The following PCNX1 variants were observed in gnomAD, a reference collection of about 807,000 sequenced individuals.
PCNX1 encodes pecanex 1.
In PCNX1, 78 loss-of-function variants were observed where a neutral mutation model predicts 242.2. That is an observed-to-expected ratio of 0.32 (90% confidence interval 0.27 to 0.39). PCNX1 has a LOEUF of 0.39. Among genes scored for constraint, PCNX1 ranks in the 10% least tolerant of loss-of-function variants. PCNX1 has a pLI of 1.00. For missense variants in PCNX1, 2,581 were observed against 2,856.5 expected, an observed-to-expected ratio of 0.90 and a Z score of 2.20; for synonymous variants, 1,024 against 1,032.9, an observed-to-expected ratio of 0.99 and a Z score of 0.17.
chr14:71,023,500 G>A (rs1032522351), intron 13 of PCNX1, among the ~76,000 whole-genome samples: 2 of 152,038 alleles, frequency 1.3e-5, no homozygotes, highest in Non-Finnish European at 2.9e-5. Flanking sequence ...GTTTCAGGGA[G>A]TAGACATGGT....
chr14:71,027,202 A>G (rs1367598564), intron 15 of PCNX1: 2 of 183,078 alleles, frequency 1.1e-5, no homozygotes, highest in Non-Finnish European at 2.3e-5. Flanking sequence ...AAGATCATCT[A>G]TCCTGAGTAG....
chr14:70,941,755 T>G (rs1477787771), intron 1 of PCNX1, among the ~76,000 whole-genome samples: 1 of 152,184 alleles, frequency 6.6e-6, no homozygotes, highest in Non-Finnish European at 1.5e-5. Flanking sequence ...CAGGCAGGCC[T>G]CCTTGAGCTG....
intron 2 of PCNX1, among the ~76,000 whole-genome samples, chr14:70,949,347 G>A (rs73291896): frequency 0.034 from 4,786 of 142,084 alleles, 222 homozygotes; most frequent in African/African-American, 0.12. Context: ...GTGCATACAC[G>A]CACGTGCATA....
chr14:71,018,777 T>C (rs925280566), intron 11 of PCNX1, among the ~76,000 whole-genome samples: 1 of 152,186 alleles, frequency 6.6e-6, no homozygotes, highest in Admixed American at 6.5e-5. Flanking sequence ...TATTATGTAA[T>C]TGAAACTCCA....
At chr14:70,989,593 G>T (rs996937420) in intron 7 of PCNX1, among the ~76,000 whole-genome samples, 5 of 143,820 alleles carry the variant, frequency 3.5e-5, no homozygotes, top group African/African-American at 1.3e-4. Flanking sequence ...GCAGTCGCGT[G>T]ATCTTGGCTC....
chr14:71,014,652 C>T (rs1031604167), intron 11 of PCNX1, among the ~76,000 whole-genome samples: 3 of 151,784 alleles, frequency 2.0e-5, no homozygotes, highest in Admixed American at 6.6e-5. Context: ...TGAACTCACT[C>T]GAAGGCATAA....
intron 11 of PCNX1, among the ~76,000 whole-genome samples, chr14:71,017,436 A>G (rs917571279): frequency 2.0e-5 from 3 of 152,242 alleles, no homozygotes; most frequent in Admixed American, 6.5e-5. Context: ...CCTGGGCAAC[A>G]TAGCAAGACC....
At position 71,109,009 on chromosome 14, in the gene PCNX1, C is replaced by T. The variant is rs368768448; in HGVS notation, c.6707C>T (p.Ser2236Leu). ...AACACCTTAAGTCCTGCCAACAATT[C>T]ACACTCCAGAAAGGCAGAAGTGATT... is the stretch of plus-strand genomic sequence containing the variant. Reference protein sequence around the residue: ...PGNTLSPANNSHSRKAEVIYR... With the variant: ...PGNTLSPANNLHSRKAEVIYR... The change falls in exon 34 of 36, where the codon TCA (serine) becomes TTA (leucine). Residue 2236 changes from serine (S) to leucine (L), a missense_variant. Transcript: ENST00000304743. The T allele has an allele frequency of 3.7e-6, 6 of 1,613,704 alleles. No individual in the cohort carries two copies. The highest frequency in any genetic ancestry group is 1.3e-5 in the African/African-American group (1 of 74,948).
intron 1 of PCNX1, among the ~76,000 whole-genome samples, chr14:70,940,818 G>C (rs1483582800): frequency 6.6e-6 from 1 of 152,128 alleles, no homozygotes; most frequent in Admixed American, 6.5e-5. Flanking sequence ...TGGAGGTTTT[G>C]TTCTTTTCTT....
At chr14:71,073,469 A>G in intron 26 of PCNX1, 76 bp from the exon 27 acceptor site, 1 of 1,366,762 alleles carries the variant, frequency 7.3e-7, no homozygotes, top group South Asian at 1.4e-5. Flanking sequence ...TTTTTTCTAA[A>G]TCTTATGTGT....
At chr14:71,060,173 A>G (rs73295578) in intron 26 of PCNX1, among the ~76,000 whole-genome samples, 6,658 of 152,318 alleles carry the variant, frequency 0.044, 460 homozygotes, top group African/African-American at 0.15. Flanking sequence ...AATTCCTGTT[A>G]GTGACATCGT....
At chr14:70,910,970 G>A (rs2055878741) in intron 1 of PCNX1, among the ~76,000 whole-genome samples, 1 of 152,144 alleles carries the variant, frequency 6.6e-6, no homozygotes, top group Non-Finnish European at 1.5e-5. Context: ...CCTAGACCAG[G>A]GGTGGTCAGG....
chr14:71,011,863 A>T (rs1360421710), intron 10 of PCNX1: 3 of 223,728 alleles, frequency 1.3e-5, no homozygotes, highest in African/African-American at 6.9e-5. Context: ...CTATACCCAG[A>T]TATGTGTTTG....
chr14:71,046,039 TCA>T (rs1479701698), intron 20 of PCNX1, among the ~76,000 whole-genome samples: 2 of 152,146 alleles, frequency 1.3e-5, no homozygotes, highest in African/African-American at 2.4e-5. Context: ...AACTTTTTTC[TCA>T]CACTTTTTTT....
At chr14:70,921,651 A>G (rs1467801950) in intron 1 of PCNX1, among the ~76,000 whole-genome samples, 3 of 152,190 alleles carry the variant, frequency 2.0e-5, no homozygotes, top group African/African-American at 7.2e-5. Flanking sequence ...TACTTTAAAT[A>G]TACTTGAAGT....
rs150308632 is a variant in PCNX1 at position 70,965,138 on chromosome 14, C to T, written c.468+2807C>T. On this transcript the variant is annotated intron_variant, in intron 3 of 35. Transcript: ENST00000304743. ...GTCATTGTTACTATTCTTTCCTTCA[C>T]CTCTGCCTTTCTCCCTTTCATCTTC... is the stretch of plus-strand genomic sequence containing the variant. Among the ~76,000 whole-genome samples, 951 of 152,224 alleles carry T rather than the reference C, an allele frequency of 6.2e-3. 8 individuals are homozygous for T. Among genetic ancestry groups the T allele is most frequent in the African/African-American group, 0.022 (917 of 41,504 alleles).
chr14:70,995,797 G>A lies in PCNX1; in HGVS notation c.2501G>A (p.Arg834His), dbSNP rs748379034. Residue 834 changes from arginine to histidine, a missense_variant, in exon 8 of 36, where the codon CGC becomes CAC. This residue lies in a region of PCNX1 where 1,204 missense variants were observed against 1,216.7 expected (regional missense o/e 0.99). Transcript: ENST00000304743. ...QSTAQVKVQS[R>H]PPSQAAVLSA... ...ACAGCCCAGGTCAAAGTCCAGTCCC[G>A]CCCCCCTTCCCAGGCTGCAGTGCTC... The A allele has an allele frequency of 1.6e-5, 26 of 1,613,750 alleles. No homozygotes were observed. The highest frequency in any genetic ancestry group is 4.5e-5 in the East Asian group (2 of 44,894).
Position 71,077,599 on chromosome 14 carries a change from A to G in PCNX1, c.5337+1180A>G, listed in dbSNP as rs181966414. ...AGTGGCCTTTGAGCTTTTATACTAG[A>G]TGTGCAGTATATACTGAGCAGAGTA... On this transcript the variant is annotated intron_variant, in intron 28 of 35. Transcript: ENST00000304743. 2.6e-5 allele frequency among the ~76,000 whole-genome samples: 4 copies of G among 152,212 alleles called. No homozygotes were observed. In the East Asian group the frequency reaches 7.7e-4, roughly 29 times the overall value.
intron 3 of PCNX1, among the ~76,000 whole-genome samples, chr14:70,967,601 T>G (rs1332415880): frequency 2.0e-5 from 3 of 152,232 alleles, no homozygotes. Flanking sequence ...TTTCTCCTTA[T>G]AGTTTGTGCT....
Sources: gnomAD v4.1 joint callset for allele counts (sites outside exome capture counted in the v4.1 genomes callset) on GRCh38, gnomAD v4.1.1 for gene constraint, gnomAD v4.1.1 regional missense constraint, MANE v1.5 for transcripts, NCBI Gene and HGNC (gene_info 2026-07-23, HGNC 2026-07-21) for gene names.